The following UBXN2A variants were observed in gnomAD, a reference collection of about 807,000 sequenced individuals.
UBXN2A encodes the protein UBX domain-containing protein 2A.
Under a neutral mutation model 28.4 loss-of-function variants are expected in UBXN2A, and 28 were observed. The observed-to-expected ratio is 0.99, with a 90% confidence interval of 0.73 to 1.35. The LOEUF is 1.35. Ranked by LOEUF, UBXN2A falls within the 40% of genes most tolerant of loss-of-function variation. UBXN2A has a pLI of 0.00. For missense variants in UBXN2A, 253 were observed against 297.9 expected (o/e 0.85, Z 1.11); for synonymous variants, 97 against 103.6 (o/e 0.94, Z 0.39).
chr2:23,997,958 A>G (rs1345750315), intron 6 of UBXN2A, among the ~76,000 whole-genome samples: 1 of 150,596 alleles, frequency 6.6e-6, no homozygotes, highest in Non-Finnish European at 1.5e-5. Context: ...ATTACAGGTG[A>G]CCACCACCAC....
At position 23,976,898 on chromosome 2, in the gene UBXN2A, A is replaced by T. The variant is rs539179792; in HGVS notation, c.181-71A>T. 14 of 1,359,650 alleles carry T rather than the reference A, an allele frequency of 1.0e-5. No individual in the cohort carries two copies. The South Asian group carries it at 1.5e-4, about 15-fold the overall frequency. The allele number at this position is 1,359,650 out of a possible 1,614,324, so 84.2% of individuals were successfully genotyped here. The stretch of plus-strand genomic sequence containing the variant: ...ACCCGGCCTGAATAGTGATAGAAGA[A>T]ATTTTCAAAGGACTTTCAATCCTAC... On this transcript the variant is annotated intron_variant, in intron 3 of 6. Transcript: ENST00000309033.
At position 24,000,514 on chromosome 2, in the gene UBXN2A, C is replaced by T. The variant is rs1377829862; in HGVS notation, c.*647C>T. 1 of 152,102 alleles carries T rather than the reference C, an allele frequency of 6.6e-6. No individual in the cohort carries two copies. The highest frequency in any genetic ancestry group is 1.5e-5 in the Non-Finnish European group (1 of 68,040). 9.4% of individuals were successfully genotyped at this position (152,102 alleles called of 1,614,324 possible). A position where few individuals can be genotyped will look rare whatever the true frequency, so the allele number is the denominator to read the frequency against. On this transcript the variant is annotated 3_prime_UTR_variant, in exon 7 of 7. Transcript: ENST00000309033. ...CTGAGATTGAGCAACTGTACTCCAG[C>T]TTGGCGACAGAGCAAGACCCCCTCT... is the stretch of plus-strand genomic sequence containing the variant.
At chr2:23,943,721 C>T (rs1162178742) in intron 1 of UBXN2A, 8 of 191,064 alleles carry the variant, frequency 4.2e-5, no homozygotes, top group Admixed American at 1.1e-4. Context: ...GAACTCCTGA[C>T]CTCAGGTAAT....
chr2:23,992,294 CAG>C (rs1708383045), intron 6 of UBXN2A, among the ~76,000 whole-genome samples: 1 of 151,544 alleles, frequency 6.6e-6, no homozygotes, highest in South Asian at 2.1e-4. Flanking sequence ...TTAGTAGAGA[CAG>C]GGTTTCGCCA....
At chr2:23,998,771 C>T (rs1259453944) in intron 6 of UBXN2A, among the ~76,000 whole-genome samples, 1 of 151,916 alleles carries the variant, frequency 6.6e-6, no homozygotes, top group Non-Finnish European at 1.5e-5. Flanking sequence ...ACCCTTTCAT[C>T]CAGGTTAGGG....
chr2:23,998,331 T>C (rs1330057311), intron 6 of UBXN2A, among the ~76,000 whole-genome samples: 1 of 152,216 alleles, frequency 6.6e-6, no homozygotes, highest in Non-Finnish European at 1.5e-5. Context: ...ATACTTGTTT[T>C]GTGTAATTTC....
At chr2:23,985,402 C>T (rs896989450) in intron 6 of UBXN2A, among the ~76,000 whole-genome samples, 2 of 152,108 alleles carry the variant, frequency 1.3e-5, no homozygotes, top group Admixed American at 6.6e-5. Context: ...GTTTGCACCA[C>T]CAAGCCCGGC....
intron 2 of UBXN2A, among the ~76,000 whole-genome samples, chr2:23,970,875 C>G (rs1321083143): frequency 6.6e-6 from 1 of 152,084 alleles, no homozygotes; most frequent in Non-Finnish European, 1.5e-5. Context: ...CACCACTGAT[C>G]TGACAGGAGA....
chr2:23,948,722 C>T (rs1479817885), intron 1 of UBXN2A, among the ~76,000 whole-genome samples: 1 of 152,136 alleles, frequency 6.6e-6, no homozygotes, highest in African/African-American at 2.4e-5. Context: ...TATACAAGGT[C>T]ACCTAGCTCA....
intron 6 of UBXN2A, among the ~76,000 whole-genome samples, chr2:23,991,619 A>G (rs1272788272): frequency 6.6e-6 from 1 of 151,444 alleles, no homozygotes; most frequent in Non-Finnish European, 1.5e-5. Context: ...ACAGGCGCCT[A>G]TCACCACACC....
At chr2:23,963,347 T>C (rs1322240162) in intron 2 of UBXN2A, among the ~76,000 whole-genome samples, 1 of 151,830 alleles carries the variant, frequency 6.6e-6, no homozygotes, top group Non-Finnish European at 1.5e-5. Flanking sequence ...AAACCCTGTC[T>C]CTACTAAAAA....
intron 2 of UBXN2A, among the ~76,000 whole-genome samples, chr2:23,965,681 C>G (rs1707132378): frequency 6.6e-6 from 1 of 152,068 alleles, no homozygotes; most frequent in Admixed American, 6.6e-5. Context: ...GCTTTCCTTT[C>G]TTGTAATGTC....
Position 23,943,020 on chromosome 2 carries a change from A to G in UBXN2A, c.-15+2372A>G, listed in dbSNP as rs1375141651. Among the ~76,000 whole-genome samples, 9 of 151,454 alleles carry G rather than the reference A, an allele frequency of 5.9e-5. No individual in the cohort carries two copies. In the South Asian group the frequency reaches 6.2e-4, roughly 11 times the overall value. On this transcript the variant is annotated intron_variant, in intron 1 of 6. Transcript: ENST00000309033. The stretch of plus-strand genomic sequence containing the variant: ...GCACAGGCAGGAGTGCTGTGGTGCA[A>G]TCTCCGCTCACTGCAACCTCTGCCT...
At chr2:23,989,686 G>A (rs1184699486) in intron 6 of UBXN2A, among the ~76,000 whole-genome samples, 6 of 151,892 alleles carry the variant, frequency 4.0e-5, no homozygotes, top group Admixed American at 3.9e-4. Flanking sequence ...GCAGATCACT[G>A]GAGCCTAGCA....
chr2:23,948,467 G>A (rs908707158), intron 1 of UBXN2A, among the ~76,000 whole-genome samples: 33 of 151,628 alleles, frequency 2.2e-4, no homozygotes, highest in African/African-American at 7.8e-4. Context: ...TAGCCAGGCT[G>A]GTCTCAAACT....
In UBXN2A at chr2:24,001,407, C is replaced by T. The variant is rs1388458322; in HGVS notation, c.*1540C>T. The T allele has an allele frequency of 1.3e-5, 2 of 152,034 alleles. No homozygotes were observed. Among genetic ancestry groups the T allele is most frequent in the African/African-American group, 2.4e-5 (1 of 41,396 alleles). The allele number at this position is 152,034 out of a possible 1,614,324, so 9.4% of individuals were successfully genotyped here. The stretch of plus-strand genomic sequence containing the variant: ...AGACTTTAACTAAATCCAGTTAGAC[C>T]TCAATTTTTCACTGTCAGATTAAAT... On this transcript the variant is annotated 3_prime_UTR_variant, in exon 7 of 7. Transcript: ENST00000309033.
intron 2 of UBXN2A, among the ~76,000 whole-genome samples, chr2:23,959,808 C>A (rs1319218455): frequency 6.6e-6 from 1 of 152,088 alleles, no homozygotes; most frequent in Non-Finnish European, 1.5e-5. Context: ...TGGAGATGAG[C>A]CTAGAGTTTT....
intron 6 of UBXN2A, among the ~76,000 whole-genome samples, chr2:23,986,333 G>A (rs894687021): frequency 2.0e-5 from 3 of 151,512 alleles, no homozygotes; most frequent in African/African-American, 7.3e-5. Context: ...AATAATAATA[G>A]TAATAATAAT....
chr2:23,950,866 T>C (rs985943429), intron 1 of UBXN2A, among the ~76,000 whole-genome samples: 30 of 150,696 alleles, frequency 2.0e-4, no homozygotes, highest in African/African-American at 3.7e-4. Flanking sequence ...ACCACACCCA[T>C]GCGTGGTTCG....
Sources: allele counts gnomAD v4.1 joint callset (sites outside exome capture counted in the v4.1 genomes callset), GRCh38; gene constraint gnomAD v4.1.1; transcripts MANE v1.5; gene names NCBI Gene and HGNC (gene_info 2026-07-23, HGNC 2026-07-21).